Variants in TRAIP observed in about 807,000 individuals in gnomAD.
TRAIP encodes the protein E3 ubiquitin-protein ligase TRAIP.
In TRAIP, 37 loss-of-function variants were observed where a neutral mutation model predicts 65.0. The ratio of observed to expected loss-of-function variants is 0.57; its 90% CI spans 0.44 to 0.75. The LOEUF (loss-of-function observed/expected upper bound fraction) is 0.75. Ranked by LOEUF, TRAIP falls within the 30% of genes least tolerant of loss-of-function variation. The pLI is 0.00. For missense variants in TRAIP, 481 were observed against 579.4 expected (o/e 0.83, Z 1.74); for synonymous variants, 187 against 219.1 (o/e 0.85, Z 1.29).
intron 9 of TRAIP, among the ~76,000 whole-genome samples, 194 bp downstream of exon 9, chr3:49,840,090 T>C (rs953521491): frequency 6.6e-6 from 1 of 152,238 alleles, no homozygotes; most frequent in Non-Finnish European, 1.5e-5. Context: ...CTCATGGTTC[T>C]GTCTGCCCTC....
At chr3:49,839,911 C>T (rs747438928) in intron 9 of TRAIP, 51 bp from the exon 10 acceptor site, 20 of 1,566,042 alleles carry the variant, frequency 1.3e-5, no homozygotes, top group African/African-American at 2.7e-5. Flanking sequence ...GCATCAAGTC[C>T]GGAGATAATG....
chr3:49,839,018 G>A (rs773897147), intron 10 of TRAIP, among the ~76,000 whole-genome samples: 2 of 150,670 alleles, frequency 1.3e-5, no homozygotes, highest in African/African-American at 2.4e-5. Flanking sequence ...GTGAAACCCC[G>A]TCTCTACTAA....
At position 49,829,515 on chromosome 3, in the gene TRAIP, TGGAA is replaced by T; in HGVS notation, c.1237-11_1237-8del. ...CATCGAAGCCTGTCCTTACCTAGGG[TGGAA>T]GGAAGAGATGAGTGGGCCAGGCTAA... On this transcript the variant is annotated splice_polypyrimidine_tract_variant and splice_region_variant and intron_variant, in intron 13 of 14. Coordinates refer to ENST00000331456, the MANE Select transcript of TRAIP (RefSeq NM_005879.3). 1.2e-6 allele frequency: 2 copies of T among 1,613,022 alleles called. No individual in the cohort carries two copies. The highest frequency in any genetic ancestry group is 4.5e-5 in the East Asian group (2 of 44,838).
chr3:49,835,770 T>A (rs898697069), intron 10 of TRAIP, among the ~76,000 whole-genome samples: 2 of 151,670 alleles, frequency 1.3e-5, no homozygotes, highest in Admixed American at 6.6e-5. Context: ...AAACCCTGTC[T>A]CTACTAAAAA....
chr3:49,828,914 G>A lies in TRAIP; in HGVS notation c.*189C>T, dbSNP rs530460169. ...GGGCTGGTCATGTCAGCTCCCAGTCGTAGGAGTGGGGCAGGGTGAGGGCAG... is the reference window on the plus strand; with the variant it reads ...GGGCTGGTCATGTCAGCTCCCAGTCATAGGAGTGGGGCAGGGTGAGGGCAG... On this transcript the variant is annotated 3_prime_UTR_variant, in exon 15 of 15. Coordinates refer to ENST00000331456, the MANE Select transcript of TRAIP (RefSeq NM_005879.3). 8.4e-5 allele frequency: 60 copies of A among 714,934 alleles called. No homozygotes were observed. The East Asian group carries it at 1.3e-3, about 15-fold the overall frequency. 44.3% of individuals were successfully genotyped at this position (714,934 alleles called of 1,614,324 possible).
rs1342338685 is a variant in TRAIP at position 49,829,723 on chromosome 3, G to A, written c.1130C>T (p.Pro377Leu). Residue 377 changes from proline to leucine, a missense_variant, in exon 13 of 15, where the codon CCA becomes CTA. By Grantham distance (98) the Pro-to-Leu change is moderately conservative. Coordinates refer to ENST00000331456, the MANE Select transcript of TRAIP (RefSeq NM_005879.3). ...SLGGQSCAGE[P>L]DEELVGAFPI... Reference sequence around the variant, plus strand: ...GAAGGCACCAACCAGTTCCTCATCTGGCTCTCCTGCACAGCTCTGGCCACC... The same window carrying A: ...GAAGGCACCAACCAGTTCCTCATCTAGCTCTCCTGCACAGCTCTGGCCACC... The A allele has an allele frequency of 6.8e-6, 11 of 1,614,040 alleles. No individual in the cohort carries two copies. The highest frequency in any genetic ancestry group is 9.3e-6 in the Non-Finnish European group (11 of 1,180,040).
In TRAIP at chr3:49,831,955, TG is replaced by T. The variant is rs1273459258; in HGVS notation, c.997del (p.Gln333SerfsTer10). ...DTPPARPSSS[Q>X]HGYYEKLCLE... The stretch of plus-strand genomic sequence containing the variant: ...GCAAAGTTTTTCGTAGTAACCATGC[TG>T]GGAGCTGGAGGGCCGGGCTGGGGGA... On this transcript the variant is annotated frameshift_variant, in exon 11 of 15. Coordinates refer to ENST00000331456, the MANE Select transcript of TRAIP (RefSeq NM_005879.3). LOFTEE classifies it high-confidence loss of function. The T allele has an allele frequency of 1.2e-6, 2 of 1,600,712 alleles. No individual in the cohort carries two copies. The highest frequency in any genetic ancestry group is 1.7e-6 in the Non-Finnish European group (2 of 1,173,704).
rs1185555857 is a variant in TRAIP, at chr3:49,854,035, C to T, written c.98+2321G>A. ...TCCAAACAAAAACTTTACTTAAAAA[C>T]ATACAATTGGCCGGTCGTGGTGGCT... On this transcript the variant is annotated intron_variant, in intron 1 of 14. Transcript: ENST00000331456. Among the ~76,000 whole-genome samples the T allele has an allele frequency of 4.0e-5, 6 of 151,080 alleles. No individual in the cohort carries two copies. The South Asian group carries it at 6.3e-4, about 16-fold the overall frequency.
intron 1 of TRAIP, among the ~76,000 whole-genome samples, chr3:49,852,761 A>AG (rs1312725590): frequency 1.3e-5 from 2 of 151,608 alleles, no homozygotes; most frequent in East Asian, 1.9e-4. Context: ...TCTCAAAAAA[A>AG]AAAGAAAGAA....
chr3:49,856,532 G>T lies in TRAIP; in HGVS notation c.-79C>A. 2.2e-6 allele frequency: 3 copies of T among 1,355,322 alleles called. No individual in the cohort carries two copies. Among genetic ancestry groups the T allele is most frequent in the Non-Finnish European group, 3.1e-6 (3 of 972,494 alleles). 84.0% of individuals were successfully genotyped at this position (1,355,322 alleles called of 1,614,324 possible). On this transcript the variant is annotated 5_prime_UTR_variant, in exon 1 of 15. Transcript: ENST00000331456. The stretch of plus-strand genomic sequence containing the variant: ...TTCGTAGACGCGCCCCCGCGCCTCC[G>T]CTTGCTTCAAATTTGGCTCCGCAGC...
chr3:49,853,858 T>C (rs946143236), intron 1 of TRAIP, among the ~76,000 whole-genome samples: 7 of 151,542 alleles, frequency 4.6e-5, no homozygotes, highest in African/African-American at 1.7e-4. Context: ...AAAAAAAAAT[T>C]AGGCAAGACA....
At position 49,842,461 on chromosome 3, in the gene TRAIP, G is replaced by A; in HGVS notation, c.495C>T (p.Thr165=). ...CCCAGCTCCAAACTCACTGCTCCAT[G>A]GTCTTCATCTTGCTCCTGAGCCGGC... ...EARRLRSKMK[T]MEQIELLLQS... Residue 165 remains threonine (T), a synonymous_variant, in exon 6 of 15, where the codon ACC becomes ACT. Transcript: ENST00000331456. 5 of 1,613,910 alleles carry A rather than the reference G, an allele frequency of 3.1e-6. No homozygotes were observed. The highest frequency in any genetic ancestry group is 4.2e-6 in the Non-Finnish European group (5 of 1,179,970).
Position 49,828,970 on chromosome 3 carries a change from C to G in TRAIP, c.*133G>C, listed in dbSNP as rs552509495. The G allele has an allele frequency of 3.9e-6, 5 of 1,280,400 alleles. No homozygotes were observed. In the East Asian group the frequency reaches 1.2e-4, roughly 30 times the overall value. 79.3% of individuals were successfully genotyped at this position (1,280,400 alleles called of 1,614,324 possible). A position where few individuals can be genotyped will look rare whatever the true frequency, so the allele number is the denominator to read the frequency against. On this transcript the variant is annotated 3_prime_UTR_variant, in exon 15 of 15. Transcript: ENST00000331456. ...GCAGTCTCTGGGTGCCACACTCACC[C>G]TCACCTGTTTGTCTGCCCTTACACC... is the stretch of plus-strand genomic sequence containing the variant.
chr3:49,832,492 G>GTAAAA (rs2081743404), intron 10 of TRAIP, among the ~76,000 whole-genome samples: 3 of 128,574 alleles, frequency 2.3e-5, no homozygotes, highest in Admixed American at 8.3e-5. Context: ...TCCGTCTCAG[G>GTAAAA]AAAAAAAAAA....
In TRAIP at chr3:49,828,712, G is replaced by A; in HGVS notation, c.*391C>T. 1 of 227,040 alleles carries A rather than the reference G, an allele frequency of 4.4e-6. No homozygotes were observed. Among genetic ancestry groups the A allele is most frequent in the South Asian group, 7.6e-5 (1 of 13,102 alleles). The allele number at this position is 227,040 out of a possible 1,614,324, so 14.1% of individuals were successfully genotyped here. On this transcript the variant is annotated 3_prime_UTR_variant, in exon 15 of 15. Transcript: ENST00000331456. Reference sequence around the variant, plus strand: ...TGGCCCAGGCTATGCCTAGAAGCAAGTCAAAGGCAGGTAGAAGCTTGGGCT... The same window carrying A: ...TGGCCCAGGCTATGCCTAGAAGCAAATCAAAGGCAGGTAGAAGCTTGGGCT...
At chr3:49,836,490 CA>C (rs570277717) in intron 10 of TRAIP, among the ~76,000 whole-genome samples, 7 of 149,886 alleles carry the variant, frequency 4.7e-5, no homozygotes, top group African/African-American at 1.7e-4. Context: ...GACACTGTTT[CA>C]AAAAAAAGAA....
intron 1 of TRAIP, among the ~76,000 whole-genome samples, chr3:49,856,121 A>G (rs1191692205): frequency 4.6e-5 from 7 of 152,216 alleles, no homozygotes; most frequent in Non-Finnish European, 1.0e-4. Flanking sequence ...GGAAGCATCT[A>G]TCTTCACTGA....
chr3:49,845,651 G>A (rs1022312765), intron 3 of TRAIP, among the ~76,000 whole-genome samples: 2 of 152,224 alleles, frequency 1.3e-5, no homozygotes, highest in African/African-American at 2.4e-5. Flanking sequence ...GGACATGGCT[G>A]CTGCACCACT....
chr3:49,854,002 A>C (rs1357001738), intron 1 of TRAIP, among the ~76,000 whole-genome samples: 1 of 152,168 alleles, frequency 6.6e-6, no homozygotes, highest in Admixed American at 6.5e-5. Context: ...AAAAAAAAAA[A>C]AAATTATTCC....
Sources: allele counts gnomAD v4.1 joint callset (sites outside exome capture counted in the v4.1 genomes callset), GRCh38; gene constraint gnomAD v4.1.1; transcripts MANE v1.5; gene names NCBI Gene and HGNC (gene_info 2026-07-23, HGNC 2026-07-21).